The following AKAP7 variants were observed in gnomAD, a reference collection of about 807,000 sequenced individuals.
The protein encoded by AKAP7 is A kinase (PRKA) anchor protein 7.
A neutral mutation model predicts 39.5 loss-of-function variants in AKAP7; 39 were observed. The observed-to-expected ratio is 0.99, with a 90% confidence interval of 0.76 to 1.29. The LOEUF (loss-of-function observed/expected upper bound fraction) is 1.29, where lower values mean the gene tolerates loss of function less well. Among genes scored for constraint, AKAP7 ranks in the 50% most tolerant of loss-of-function variants. The pLI is 0.00. For synonymous variants in AKAP7, 140 were observed against 139.1 expected, an observed-to-expected ratio of 1.01 and a Z score of -0.05; for missense variants, 414 against 407.7, an observed-to-expected ratio of 1.02 and a Z score of -0.13.
rs568177452 is a variant in AKAP7, at chr6:131,281,032, T to C, written c.851-498T>C. Among the ~76,000 whole-genome samples, 96 of 152,348 alleles carry C rather than the reference T, an allele frequency of 6.3e-4. No individual in the cohort carries two copies. Among genetic ancestry groups the C allele is most frequent in the Admixed American group, 1.3e-3 (20 of 15,308 alleles). ...CCTAGTGGTAGTAACTGCCTTTATCTTCAAGGCAGCACTGAGCATTTATTA... is the reference window on the plus strand; with the variant it reads ...CCTAGTGGTAGTAACTGCCTTTATCCTCAAGGCAGCACTGAGCATTTATTA... On this transcript the variant is annotated intron_variant, in intron 7 of 7. Transcript: ENST00000431975. This position sits in a 1 kb window ranked among gnomAD's most constrained non-coding sequence, Gnocchi z 4.0.
chr6:131,199,649 C>A, intron 6 of AKAP7, 76 bp downstream of exon 6: 1 of 1,185,400 alleles, frequency 8.4e-7, no homozygotes, highest in Non-Finnish European at 1.3e-6. Context: ...GCACGAGTGA[C>A]ATTGCTGTGG....
intron 7 of AKAP7, among the ~76,000 whole-genome samples, chr6:131,268,202 C>A (rs538949467): frequency 6.6e-6 from 1 of 152,126 alleles, no homozygotes; most frequent in African/African-American, 2.4e-5. Context: ...CTCTCGTATA[C>A]CTTCACTTTC....
intron 6 of AKAP7, chr6:131,200,964 T>C (rs1807501670): frequency 6.6e-6 from 1 of 152,194 alleles, no homozygotes; most frequent in Admixed American, 6.5e-5. Flanking sequence ...AACTTTGAAA[T>C]GAGAGCACCC....
At chr6:131,150,599 C>A (rs1801835572) in intron 2 of AKAP7, among the ~76,000 whole-genome samples, 1 of 152,062 alleles carries the variant, frequency 6.6e-6, no homozygotes, top group South Asian at 2.1e-4. Flanking sequence ...TGATTAATAT[C>A]TTTTATTTTG....
chr6:131,222,701 C>G (rs529854389), intron 7 of AKAP7, among the ~76,000 whole-genome samples: 24 of 152,216 alleles, frequency 1.6e-4, no homozygotes, highest in African/African-American at 5.8e-4. Flanking sequence ...GGTAAAGATC[C>G]TTAAACATTG....
At chr6:131,178,952 C>T (rs986167323) in intron 5 of AKAP7, among the ~76,000 whole-genome samples, 11 of 152,172 alleles carry the variant, frequency 7.2e-5, no homozygotes, top group African/African-American at 2.7e-4. Context: ...AGGTACTGGA[C>T]TCAACAGAGT....
At chr6:131,245,127 T>G (rs1811893210) in intron 7 of AKAP7, among the ~76,000 whole-genome samples, 1 of 152,244 alleles carries the variant, frequency 6.6e-6, no homozygotes, top group Non-Finnish European at 1.5e-5. Context: ...AATGATGTTG[T>G]TTCAGAATCT....
chr6:131,277,225 T>C (rs1258869703), intron 7 of AKAP7, among the ~76,000 whole-genome samples: 2 of 152,246 alleles, frequency 1.3e-5, no homozygotes, highest in African/African-American at 4.8e-5. Flanking sequence ...TTTGATGTGC[T>C]TAAAAGATTT....
At chr6:131,270,262 G>C (rs1218707715) in intron 7 of AKAP7, among the ~76,000 whole-genome samples, 1 of 152,116 alleles carries the variant, frequency 6.6e-6, no homozygotes, top group Non-Finnish European at 1.5e-5. Flanking sequence ...CCTGGAAACC[G>C]CTGGTTTGTT....
At chr6:131,184,310 AG>A (rs35832088) in intron 5 of AKAP7, 9 of 602,520 alleles carry the variant, frequency 1.5e-5, no homozygotes, top group Non-Finnish European at 2.3e-5. Context: ...GTCGGGGAGC[AG>A]GGGGGTGGCT....
chr6:131,238,654 T>C (rs10155781), intron 7 of AKAP7, among the ~76,000 whole-genome samples: 43,519 of 152,072 alleles, frequency 0.29, 6,715 homozygotes, highest in Middle Eastern at 0.39. Context: ...CCTTTACCAT[T>C]ATGTCATGAC....
intron 7 of AKAP7, among the ~76,000 whole-genome samples, chr6:131,260,449 G>T (rs1013533478): frequency 2.0e-5 from 3 of 151,914 alleles, no homozygotes; most frequent in African/African-American, 7.2e-5. Context: ...TGTTTCTCCA[G>T]CCTCGCCAGC....
At chr6:131,234,238 G>A (rs1199971877) in intron 7 of AKAP7, among the ~76,000 whole-genome samples, 1 of 152,176 alleles carries the variant, frequency 6.6e-6, no homozygotes, top group Non-Finnish European at 1.5e-5. Flanking sequence ...AGGGTACCAA[G>A]TACCAAGCAT....
At chr6:131,206,465 G>C (rs983419803) in intron 6 of AKAP7, among the ~76,000 whole-genome samples, 9 of 152,172 alleles carry the variant, frequency 5.9e-5, no homozygotes, top group African/African-American at 2.2e-4. Context: ...ACCTGATGAT[G>C]ATGATGATGT....
intron 6 of AKAP7, among the ~76,000 whole-genome samples, chr6:131,209,037 G>C (rs899179599): frequency 1.3e-5 from 2 of 152,204 alleles, no homozygotes; most frequent in African/African-American, 4.8e-5. Flanking sequence ...AAAATATTTT[G>C]AACAGTTGTA....
At chr6:131,266,017 A>G (rs6910935) in intron 7 of AKAP7, among the ~76,000 whole-genome samples, 146,801 of 152,282 alleles carry the variant, frequency 0.96, 70,819 homozygotes, top group East Asian at 1. Flanking sequence ...AGGACACTAG[A>G]TCTTGGAAGC....
At chr6:131,273,442 T>G (rs191845955) in intron 7 of AKAP7, among the ~76,000 whole-genome samples, 1 of 152,348 alleles carries the variant, frequency 6.6e-6, no homozygotes, top group Admixed American at 6.5e-5. Flanking sequence ...TAAGGAGTTT[T>G]ATTATTTCAT....
upstream of AKAP7, among the ~76,000 whole-genome samples, chr6:131,133,707 T>C (rs960308070): frequency 4.6e-5 from 7 of 152,162 alleles, no homozygotes; most frequent in African/African-American, 7.2e-5. Flanking sequence ...GTAAATTAAA[T>C]TGACAAAAGA....
chr6:131,161,394 C>T (rs1306163366), intron 3 of AKAP7, among the ~76,000 whole-genome samples: 1 of 151,818 alleles, frequency 6.6e-6, no homozygotes, highest in Non-Finnish European at 1.5e-5. Context: ...CCTGTAATCC[C>T]AGCACTTTGG....
Sources: allele counts gnomAD v4.1 joint callset (sites outside exome capture counted in the v4.1 genomes callset), GRCh38; gene constraint gnomAD v4.1.1; non-coding constraint Gnocchi (gnomAD v3.1); transcripts MANE v1.5; gene names NCBI Gene and HGNC (gene_info 2026-07-23, HGNC 2026-07-21).